Variants in CARM1 observed in about 807,000 individuals in gnomAD.
CARM1 encodes histone-arginine methyltransferase CARM1.
CARM1 carries 14 observed loss-of-function variants against 72.7 expected under a neutral mutation model. The observed-to-expected ratio is 0.19, with a 90% CI of 0.13 to 0.30. The LOEUF (loss-of-function observed/expected upper bound fraction) is 0.30. Ranked by LOEUF, CARM1 falls within the 10% of genes least tolerant of loss-of-function variation. The pLI, the probability that CARM1 is intolerant of heterozygous loss-of-function variation, is 1.00. For missense variants in CARM1, 432 were observed against 833.7 expected (o/e 0.52, Z 5.93); for synonymous variants, 333 against 345.5 (o/e 0.96, Z 0.40).
In CARM1 at chr19:10,905,017, A is replaced by G; in HGVS notation, c.287A>G (p.Gln96Arg). 1 of 1,614,154 alleles carries G rather than the reference A, an allele frequency of 6.2e-7. No homozygotes were observed. The highest frequency in any genetic ancestry group is 8.5e-7 in the Non-Finnish European group (1 of 1,180,006). The change falls in exon 2 of 16, where the codon CAG becomes CGG. Residue 96 changes from glutamine to arginine, a missense_variant. Physicochemically the swap from Gln to Arg is conservative, Grantham distance 43 (BLOSUM62 1). Transcript: ENST00000327064. ...ACAGAGTGCAGCCGTGTGGGCAAGC[A>G]GTCCTTCATCATCACCCTGGGCTGC... ...RETECSRVGK[Q>R]SFIITLGCNS...
chr19:10,921,047 C>A lies in CARM1; in HGVS notation c.1538-3C>A. 6.2e-7 allele frequency: 1 copy of A among 1,614,090 alleles called. No individual in the cohort carries two copies. The highest frequency in any genetic ancestry group is 8.5e-7 in the Non-Finnish European group (1 of 1,179,930). ...GCCCTGACGTCTCCCTCTCTGGACA[C>A]AGGGATGCCGACCGCCTATGACTTG... is the stretch of plus-strand genomic sequence containing the variant. On this transcript the variant is annotated splice_region_variant and splice_polypyrimidine_tract_variant and intron_variant, in intron 13 of 15. Coordinates refer to ENST00000327064, the MANE Select transcript of CARM1 (RefSeq NM_199141.2).
rs774583436 is a variant in CARM1 at position 10,921,741 on chromosome 19, T to C, written c.1811T>C (p.Met604Thr). Reference protein sequence around the residue: ...ASPMSIPTNTMHYGS With the variant: ...ASPMSIPTNTTHYGS ...CCCATGTCCATCCCGACCAACACCA[T>C]GCACTACGGGAGCTAGGGGCCCGCC... Residue 604 changes from methionine (M) to threonine (T), a missense_variant, in exon 16 of 16, where the codon ATG (methionine) becomes ACG (threonine). This residue lies in a region of CARM1 where 142 missense variants were observed against 188.7 expected (regional missense o/e 0.75). Coordinates refer to ENST00000327064, the MANE Select transcript of CARM1 (RefSeq NM_199141.2). The C allele has an allele frequency of 6.2e-7, 1 of 1,608,246 alleles. No individual in the cohort carries two copies. Among genetic ancestry groups the C allele is most frequent in the Non-Finnish European group, 8.5e-7 (1 of 1,176,308 alleles).
intron 1 of CARM1, among the ~76,000 whole-genome samples, chr19:10,904,329 G>T (rs984608796): frequency 6.6e-6 from 1 of 152,252 alleles, no homozygotes; most frequent in African/African-American, 2.4e-5. Flanking sequence ...TCCTGGCATC[G>T]CTAAGTTTCA....
Position 10,914,054 on chromosome 19 carries a change from G to A in CARM1, c.847G>A (p.Gly283Arg). The A allele has an allele frequency of 6.2e-7, 1 of 1,610,558 alleles. No homozygotes were observed. Among genetic ancestry groups the A allele is most frequent in the Non-Finnish European group, 8.5e-7 (1 of 1,178,738 alleles). Residue 283 changes from glycine (G) to arginine (R), a missense_variant and splice_region_variant, in exon 6 of 16, where the codon GGA (glycine) becomes AGA (arginine). Gly to Arg is a moderately radical substitution (Grantham distance 125). This residue lies in a region of CARM1 where 152 missense variants were observed against 452.8 expected (regional missense o/e 0.34). Coordinates refer to ENST00000327064, the MANE Select transcript of CARM1 (RefSeq NM_199141.2). Reference sequence around the variant, plus strand: ...CGCCAAGAAGTACCTGAAGCCCAGCGGTGAGCACTGGGGGGTACACAGGCC... The same window carrying A: ...CGCCAAGAAGTACCTGAAGCCCAGCAGTGAGCACTGGGGGGTACACAGGCC... ...LHAKKYLKPS[G>R]NMFPTIGDVH...
intron 1 of CARM1, among the ~76,000 whole-genome samples, chr19:10,893,808 T>C (rs1439716598): frequency 1.1e-4 from 16 of 152,188 alleles, no homozygotes; most frequent in Admixed American, 9.8e-4. Context: ...TTATGTCACC[T>C]CACCCTTTGG....
chr19:10,917,332 C>G (rs1334519785), intron 8 of CARM1, among the ~76,000 whole-genome samples: 1 of 152,016 alleles, frequency 6.6e-6, no homozygotes, highest in Non-Finnish European at 1.5e-5. Context: ...AAAAAATTAG[C>G]CAGACGTGGT....
At chr19:10,886,742 A>C (rs2073945535) in intron 1 of CARM1, among the ~76,000 whole-genome samples, 1 of 152,028 alleles carries the variant, frequency 6.6e-6, no homozygotes. Flanking sequence ...GAGGCAGGAG[A>C]ATCACTTGAA....
chr19:10,910,426 A>G (rs2074139548), intron 4 of CARM1, among the ~76,000 whole-genome samples: 1 of 150,770 alleles, frequency 6.6e-6, no homozygotes, highest in Admixed American at 6.6e-5. Context: ...GGTTGCAGTG[A>G]GCCGAGATTG....
intron 1 of CARM1, among the ~76,000 whole-genome samples, chr19:10,886,085 T>C (rs2073940387): frequency 6.7e-6 from 1 of 149,814 alleles, no homozygotes; most frequent in Non-Finnish European, 1.5e-5. Context: ...AAATGGAGTT[T>C]CACTCTTGTT....
chr19:10,906,897 T>G (rs1173237554), intron 2 of CARM1, among the ~76,000 whole-genome samples: 4 of 147,802 alleles, frequency 2.7e-5, no homozygotes, highest in African/African-American at 1.0e-4. Flanking sequence ...TTTATTTTAT[T>G]TTATTTTATT....
rs1347668021 is a variant in CARM1, at chr19:10,915,966, C to T, written c.848-441C>T. On this transcript the variant is annotated intron_variant, in intron 6 of 15. Transcript: ENST00000327064. The surrounding 1 kb of genome is among the most constrained non-coding windows in gnomAD (Gnocchi z 4.6). The stretch of plus-strand genomic sequence containing the variant: ...CTGGCTCTTGGCCTCAACTGAGGTC[C>T]CCAGCGGCGTTGGGGTAGCCCGGGG... Among the ~76,000 whole-genome samples, 1 of 152,210 alleles carries T rather than the reference C, an allele frequency of 6.6e-6. No individual in the cohort carries two copies. Among genetic ancestry groups the T allele is most frequent in the African/African-American group, 2.4e-5 (1 of 41,450 alleles).
intron 1 of CARM1, among the ~76,000 whole-genome samples, chr19:10,881,453 A>G (rs962921783): frequency 2.0e-5 from 3 of 152,196 alleles, no homozygotes; most frequent in Non-Finnish European, 4.4e-5. Context: ...GCGCAGGGCC[A>G]GGACATCTCT....
At chr19:10,893,259 G>C (rs1293309330) in intron 1 of CARM1, among the ~76,000 whole-genome samples, 1 of 151,072 alleles carries the variant, frequency 6.6e-6, no homozygotes, top group Non-Finnish European at 1.5e-5. Flanking sequence ...CTGGTCTCGA[G>C]CTCCTGACCT....
At chr19:10,880,664 G>C (rs1303132255) in intron 1 of CARM1, among the ~76,000 whole-genome samples, 1 of 152,130 alleles carries the variant, frequency 6.6e-6, no homozygotes, top group South Asian at 2.1e-4. Flanking sequence ...TCCAGAGCTC[G>C]GGTTCTTAAT....
rs1280513787 is a variant in CARM1, at chr19:10,904,962, T to C, written c.232T>C (p.Cys78Arg). 6.2e-7 allele frequency: 1 copy of C among 1,614,170 alleles called. No individual in the cohort carries two copies. Among genetic ancestry groups the C allele is most frequent in the Non-Finnish European group, 8.5e-7 (1 of 1,180,010 alleles). Residue 78 changes from cysteine to arginine, a missense_variant, in exon 2 of 16, where the codon TGT (cysteine) becomes CGT (arginine). Coordinates refer to ENST00000327064, the MANE Select transcript of CARM1 (RefSeq NM_199141.2). ...GTCTTCTCTCGTAGATGAAGATGTG[T>C]GTGTCTTTAAGTGCTCAGTGTCCCG... The part of the protein sequence containing the change: ...GIALYSHEDV[C>R]VFKCSVSRET...
intron 1 of CARM1, among the ~76,000 whole-genome samples, chr19:10,900,877 G>T (rs2074058697): frequency 6.6e-6 from 1 of 151,574 alleles, no homozygotes; most frequent in South Asian, 2.1e-4. Context: ...TAGAGACGGG[G>T]TTTCACCGTG....
intron 1 of CARM1, among the ~76,000 whole-genome samples, chr19:10,873,099 TATTTCAGCGGGG>T (rs2073832931): frequency 6.6e-6 from 1 of 151,644 alleles, no homozygotes; most frequent in Non-Finnish European, 1.5e-5. Flanking sequence ...GGAAGGAGGG[TATTTCAGCGGGG>T]GTTTCAGAGT....
chr19:10,904,150 A>G (rs1334853828), intron 1 of CARM1, among the ~76,000 whole-genome samples: 2 of 152,222 alleles, frequency 1.3e-5, no homozygotes, highest in African/African-American at 2.4e-5. Context: ...TGGCCTGTTC[A>G]AGGAGACCAG....
At chr19:10,874,848 C>A (rs1314168161) in intron 1 of CARM1, among the ~76,000 whole-genome samples, 1 of 152,096 alleles carries the variant, frequency 6.6e-6, no homozygotes, top group East Asian at 1.9e-4. Flanking sequence ...ATGGCAAAAT[C>A]TCGTCTCTGC....
Sources: gnomAD v4.1 joint callset for allele counts (sites outside exome capture counted in the v4.1 genomes callset) on GRCh38, gnomAD v4.1.1 for gene constraint, gnomAD v4.1.1 regional missense constraint, Gnocchi (gnomAD v3.1) non-coding constraint, MANE v1.5 for transcripts, NCBI Gene and HGNC (gene_info 2026-07-23, HGNC 2026-07-21) for gene names.